Variants in ZPLD1 observed in about 807,000 individuals in gnomAD.
The protein encoded by ZPLD1 is zona pellucida like domain containing 1.
In ZPLD1, 34 loss-of-function variants were observed where a neutral mutation model predicts 47.2. The ratio of observed to expected loss-of-function variants is 0.72; its 90% CI spans 0.55 to 0.96. The LOEUF is 0.96. Ranked by LOEUF, ZPLD1 falls within the 40% of genes least tolerant of loss-of-function variation. ZPLD1 has a pLI of 0.00. For synonymous variants in ZPLD1, 176 were observed against 186.2 expected (o/e 0.95, Z 0.45); for missense variants, 512 against 505.8 (o/e 1.01, Z -0.12).
chr3:102,400,059 T>G (rs972420717), intron 7 of ZPLD1, among the ~76,000 whole-genome samples: 1 of 152,038 alleles, frequency 6.6e-6, no homozygotes, highest in African/African-American at 2.4e-5. Flanking sequence ...GCTCAAGTGA[T>G]TCACCCACCT....
At chr3:102,404,549 G>A (rs1268987935) in intron 7 of ZPLD1, among the ~76,000 whole-genome samples, 1 of 151,964 alleles carries the variant, frequency 6.6e-6, no homozygotes, top group East Asian at 1.9e-4. Context: ...TCAGTGAATA[G>A]CAAATCTCCT....
chr3:102,441,399 A>T (rs1222705262), intron 3 of ZPLD1, among the ~76,000 whole-genome samples: 2 of 152,168 alleles, frequency 1.3e-5, no homozygotes, highest in Non-Finnish European at 2.9e-5. Context: ...CAAATAAGTG[A>T]TGTTAGAATC....
chr3:102,476,997 G>T lies in ZPLD1; in HGVS notation c.1043-15G>T, dbSNP rs1559764098. ...GAGATGATGTCACTTCTCTTTTTCTGTTTTTTCCCCTCAGATGAGACTCCA... is the reference window on the plus strand; with the variant it reads ...GAGATGATGTCACTTCTCTTTTTCTTTTTTTTCCCCTCAGATGAGACTCCA... On this transcript the variant is annotated splice_polypyrimidine_tract_variant and intron_variant, in intron 10 of 11. Transcript: ENST00000466937. 1.2e-6 allele frequency: 2 copies of T among 1,612,710 alleles called. No individual in the cohort carries two copies. Among genetic ancestry groups the T allele is most frequent in the Non-Finnish European group, 1.7e-6 (2 of 1,179,192 alleles).
chr3:102,475,062 C>G (rs1707737906), intron 10 of ZPLD1, among the ~76,000 whole-genome samples: 1 of 151,816 alleles, frequency 6.6e-6, no homozygotes, highest in African/African-American at 2.4e-5. Context: ...AAGCAATTCT[C>G]TCTACCTTTA....
At chr3:102,433,724 T>G (rs1016758215), upstream of ZPLD1, among the ~76,000 whole-genome samples, 5 of 152,072 alleles carry the variant, frequency 3.3e-5, 1 homozygote, top group Non-Finnish European at 7.3e-5. Flanking sequence ...AGAGACGTGG[T>G]TTCACCGTGT....
chr3:102,391,761 G>T (rs1706498240), intron 6 of ZPLD1, among the ~76,000 whole-genome samples: 1 of 152,060 alleles, frequency 6.6e-6, no homozygotes, highest in Non-Finnish European at 1.5e-5. Context: ...CAAAATAAGT[G>T]ATTATAATTG....
intron 7 of ZPLD1, among the ~76,000 whole-genome samples, chr3:102,403,344 A>G (rs534147160): frequency 6.6e-6 from 1 of 152,072 alleles, no homozygotes; most frequent in Admixed American, 6.6e-5. Flanking sequence ...TTTTGTTTCC[A>G]AGTTACTAGG....
intron 7 of ZPLD1, among the ~76,000 whole-genome samples, chr3:102,401,325 A>G (rs1430470987): frequency 1.3e-5 from 2 of 152,094 alleles, no homozygotes; most frequent in Admixed American, 6.6e-5. Context: ...TGCAGTCCTT[A>G]CTGATATTTT....
Position 102,401,155 on chromosome 3 carries a change from G to A in ZPLD1, c.-157+8930G>A, listed in dbSNP as rs370143988. Among the ~76,000 whole-genome samples, 118 of 152,084 alleles carry A rather than the reference G, an allele frequency of 7.8e-4. 2 individuals carry two copies. The South Asian group carries it at 0.024, about 30-fold the overall frequency. ...AGTGAGAGAAAATTAGGATTATATC[G>A]TTAGTCATATGAATGACATGTCAGC... On this transcript the variant is annotated intron_variant, in intron 7 of 17. Transcript: ENST00000491959.
chr3:102,449,505 T>C (rs766977053), intron 3 of ZPLD1, among the ~76,000 whole-genome samples: 6 of 152,096 alleles, frequency 3.9e-5, no homozygotes, highest in Non-Finnish European at 7.4e-5. Context: ...CCGTTATGAG[T>C]AGTGTAAAGA....
At chr3:102,426,132 G>GCACACACACACACACA (rs79509819) in intron 8 of ZPLD1, among the ~76,000 whole-genome samples, 1 of 143,004 alleles carries the variant, frequency 7.0e-6, no homozygotes, top group Non-Finnish European at 1.6e-5. Flanking sequence ...ACACACACAT[G>GCACACACACACACACA]CACACACACA....
chr3:102,462,057 T>G (rs560698808), intron 6 of ZPLD1, among the ~76,000 whole-genome samples: 1 of 152,164 alleles, frequency 6.6e-6, no homozygotes, highest in South Asian at 2.1e-4. Context: ...TATGGTAAAC[T>G]ATGGAAACAA....
intron 8 of ZPLD1, among the ~76,000 whole-genome samples, chr3:102,465,968 G>A (rs916957821): frequency 6.6e-6 from 1 of 152,106 alleles, no homozygotes; most frequent in African/African-American, 2.4e-5. Flanking sequence ...TAGAAGGAAA[G>A]GGCACTACTT....
chr3:102,477,448 C>A lies in ZPLD1; in HGVS notation c.1078C>A (p.Pro360Thr). ...GTGTGTTTTATTATTTGCAGGTTCT[C>A]CAAGTATGCCTCCCTTCCAGCTGAA... ...TPTNNSQLGS[P>T]SMPPFQLNAI... Residue 360 changes from proline to threonine, a missense_variant, in exon 12 of 12, where the codon CCA (proline) becomes ACA (threonine). Coordinates refer to ENST00000466937, the MANE Select transcript of ZPLD1 (RefSeq NM_001329788.2). 1 of 1,611,358 alleles carries A rather than the reference C, an allele frequency of 6.2e-7. No homozygotes were observed. The highest frequency in any genetic ancestry group is 8.5e-7 in the Non-Finnish European group (1 of 1,178,962).
At chr3:102,405,834 T>C (rs1010745245) in intron 7 of ZPLD1, among the ~76,000 whole-genome samples, 11 of 152,008 alleles carry the variant, frequency 7.2e-5, no homozygotes, top group African/African-American at 2.4e-4. Context: ...TTCTTGCCCT[T>C]GGGCTAACCA....
intron 7 of ZPLD1, among the ~76,000 whole-genome samples, chr3:102,403,574 A>T (rs1559741142): frequency 6.6e-6 from 1 of 151,892 alleles, no homozygotes; most frequent in Non-Finnish European, 1.5e-5. Context: ...GAAAATATTA[A>T]TTTTTCCTTT....
rs150910175 is a variant in ZPLD1 at position 102,458,380 on chromosome 3, C to CA, written c.582+528dup. On this transcript the variant is annotated intron_variant, in intron 6 of 11. Coordinates refer to ENST00000466937, the MANE Select transcript of ZPLD1 (RefSeq NM_001329788.2). ...TAAATTTTTGTCATGTAAATATCGA[C>CA]ATTGGCAGCAAAACGTGAAAAATAC... Among the ~76,000 whole-genome samples the CA allele has an allele frequency of 1.5e-3, 235 of 152,228 alleles. 1 individual carries two copies. Among genetic ancestry groups the CA allele is most frequent in the Non-Finnish European group, 2.9e-3 (197 of 67,990 alleles).
chr3:102,385,517 A>G (rs1706415622), intron 6 of ZPLD1, among the ~76,000 whole-genome samples: 1 of 152,232 alleles, frequency 6.6e-6, no homozygotes, highest in South Asian at 2.1e-4. Context: ...AGTATTTATG[A>G]ATATCTAAAC....
intron 6 of ZPLD1, among the ~76,000 whole-genome samples, chr3:102,461,886 A>G (rs1279413042): frequency 6.6e-6 from 1 of 152,106 alleles, no homozygotes. Flanking sequence ...AAATTTAAAC[A>G]GATATAATTT....
Sources: gnomAD v4.1 joint callset for allele counts (sites outside exome capture counted in the v4.1 genomes callset) on GRCh38, gnomAD v4.1.1 for gene constraint, MANE v1.5 for transcripts, NCBI Gene and HGNC (gene_info 2026-07-23, HGNC 2026-07-21) for gene names.